Variants in CLDN10 observed in about 807,000 individuals in gnomAD.
CLDN10 encodes the protein claudin 10, also known as claudin-10.
Under a neutral mutation model 22.9 loss-of-function variants are expected in CLDN10, and 15 were observed. The observed-to-expected ratio is 0.65, with a 90% CI of 0.44 to 1.01. The LOEUF (loss-of-function observed/expected upper bound fraction) is 1.01. Among genes scored for constraint, CLDN10 ranks in the 50% least tolerant of loss-of-function variants. CLDN10 has a pLI of 0.00. For synonymous variants in CLDN10, 114 were observed against 111.4 expected, an observed-to-expected ratio of 1.02 and a Z score of -0.15; for missense variants, 247 against 287.8, an observed-to-expected ratio of 0.86 and a Z score of 1.03.
intron 1 of CLDN10, among the ~76,000 whole-genome samples, chr13:95,521,438 G>T (rs2043223504): frequency 6.6e-6 from 1 of 152,044 alleles, no homozygotes; most frequent in Non-Finnish European, 1.5e-5. Flanking sequence ...TATTGGGATG[G>T]TCATATTATT....
rs2042798149 is a variant in CLDN10 at position 95,485,811 on chromosome 13, T to A, written c.214+51764T>A. On this transcript the variant is annotated intron_variant, in intron 1 of 4. Coordinates refer to the CLDN10 transcript ENST00000376873. ...TCCTCTGGGGTGACTTTCCTGGGCA[T>A]TGCAGGATAAGTGCCTGGATGGCCT... Among the ~76,000 whole-genome samples the A allele has an allele frequency of 3.3e-5, 5 of 152,340 alleles. No individual in the cohort carries two copies. The South Asian group carries it at 1.0e-3, about 32-fold the overall frequency.
intron 1 of CLDN10, among the ~76,000 whole-genome samples, chr13:95,473,274 C>T (rs1472694332): frequency 1.3e-5 from 2 of 151,966 alleles, no homozygotes; most frequent in African/African-American, 4.8e-5. Flanking sequence ...CTAATGCATG[C>T]TGAGCTTAAG....
At chr13:95,514,522 T>C (rs2043141659) in intron 1 of CLDN10, among the ~76,000 whole-genome samples, 1 of 152,038 alleles carries the variant, frequency 6.6e-6, no homozygotes, top group Non-Finnish European at 1.5e-5. Flanking sequence ...AGATAATATT[T>C]AAACAGACCC....
At chr13:95,449,994 G>A (rs546312621) in intron 1 of CLDN10, among the ~76,000 whole-genome samples, 29 of 151,408 alleles carry the variant, frequency 1.9e-4, no homozygotes, top group Non-Finnish European at 2.8e-4. Flanking sequence ...CCGCCTGCTC[G>A]GCCTCCCAAA....
At chr13:95,445,335 C>T (rs537119222) in intron 1 of CLDN10, among the ~76,000 whole-genome samples, 1 of 152,150 alleles carries the variant, frequency 6.6e-6, no homozygotes, top group East Asian at 1.9e-4. Context: ...ACCTTTAAGC[C>T]CTACAAAGGG....
intron 1 of CLDN10, among the ~76,000 whole-genome samples, chr13:95,438,836 AGGCGTGGTGGCG>A (rs2042296514): frequency 6.6e-6 from 1 of 151,978 alleles, no homozygotes; most frequent in Admixed American, 6.6e-5. Flanking sequence ...AAAATTAGCC[AGGCGTGGTGGCG>A]GGTCCCTGTA....
chr13:95,555,050 T>TCG (rs1555299137), intron 1 of CLDN10, among the ~76,000 whole-genome samples: 30 of 80,078 alleles, frequency 3.7e-4, no homozygotes, highest in Admixed American at 9.2e-4. Flanking sequence ...TAATCCAGTT[T>TCG]TTTTTTTTTT....
chr13:95,463,657 T>C (rs540222772), intron 1 of CLDN10, among the ~76,000 whole-genome samples: 2 of 152,198 alleles, frequency 1.3e-5, no homozygotes, highest in South Asian at 4.2e-4. Context: ...AAGCAGGTTT[T>C]GAAACTACTT....
At chr13:95,492,098 C>T (rs1350988640) in intron 1 of CLDN10, among the ~76,000 whole-genome samples, 1 of 151,702 alleles carries the variant, frequency 6.6e-6, no homozygotes, top group African/African-American at 2.4e-5. Flanking sequence ...CCGTGAGGGT[C>T]CTTAACTTCG....
chr13:95,505,568 T>A (rs1423349250), intron 1 of CLDN10, among the ~76,000 whole-genome samples: 1 of 152,174 alleles, frequency 6.6e-6, no homozygotes, highest in Non-Finnish European at 1.5e-5. Flanking sequence ...GGGTGGTTGT[T>A]GGCAGACAGT....
At chr13:95,513,572 T>C (rs927709540) in intron 1 of CLDN10, among the ~76,000 whole-genome samples, 3 of 30,342 alleles carry the variant, frequency 9.9e-5, no homozygotes, top group African/African-American at 2.2e-4. Context: ...AGCAGTAAAA[T>C]AGAGCATTTT....
intron 1 of CLDN10, among the ~76,000 whole-genome samples, chr13:95,459,864 C>T (rs1321296333): frequency 6.6e-6 from 1 of 152,188 alleles, no homozygotes; most frequent in Admixed American, 6.5e-5. Flanking sequence ...ACTTTATGCT[C>T]TGCTTCCCAT....
intron 1 of CLDN10, among the ~76,000 whole-genome samples, chr13:95,532,049 C>G (rs1276720041): frequency 6.6e-6 from 1 of 151,838 alleles, no homozygotes; most frequent in African/African-American, 2.4e-5. Context: ...CAGCTAAAAG[C>G]AAAGGGTTTA....
chr13:95,453,222 T>C (rs987972417), intron 1 of CLDN10, among the ~76,000 whole-genome samples: 4 of 152,202 alleles, frequency 2.6e-5, no homozygotes, highest in African/African-American at 9.6e-5. Context: ...AGGAGTCCCC[T>C]CCCTAAACAT....
intron 1 of CLDN10, among the ~76,000 whole-genome samples, chr13:95,536,801 TA>T (rs11340225): frequency 0.93 from 141,316 of 152,206 alleles, 65,764 homozygotes; most frequent in East Asian, 1. Flanking sequence ...CATGCCTTTT[TA>T]AAAAAAAGTT....
At chr13:95,515,556 C>G (rs980536148) in intron 1 of CLDN10, among the ~76,000 whole-genome samples, 1 of 152,162 alleles carries the variant, frequency 6.6e-6, no homozygotes, top group African/African-American at 2.4e-5. Flanking sequence ...GGTCCTTCCC[C>G]ACTGTATGAA....
intron 1 of CLDN10, among the ~76,000 whole-genome samples, chr13:95,449,761 T>TTTTTTTGG (rs2042415881): frequency 6.7e-6 from 1 of 149,860 alleles, no homozygotes. Flanking sequence ...TTTTTCTTTT[T>TTTTTTTGG]GAGGCAGAAT....
intron 1 of CLDN10, among the ~76,000 whole-genome samples, chr13:95,527,893 T>A (rs969116714): frequency 6.6e-6 from 1 of 152,038 alleles, no homozygotes; most frequent in Non-Finnish European, 1.5e-5. Context: ...TAGGGAAAAG[T>A]TTTTTGCTAT....
At chr13:95,551,002 A>T (rs559881691), upstream of CLDN10, among the ~76,000 whole-genome samples, 149 of 151,902 alleles carry the variant, frequency 9.8e-4, no homozygotes, top group Admixed American at 3.8e-3. Context: ...TCAGTTTTTA[A>T]GTTTAGTTTA....
Sources: allele counts gnomAD v4.1 joint callset (sites outside exome capture counted in the v4.1 genomes callset), GRCh38; gene constraint gnomAD v4.1.1; transcripts MANE v1.5; gene names NCBI Gene and HGNC (gene_info 2026-07-23, HGNC 2026-07-21).